Variants in UBE3C observed in about 807,000 individuals in gnomAD.
The protein encoded by UBE3C is ubiquitin protein ligase E3C.
Under a neutral mutation model 129.4 loss-of-function variants are expected in UBE3C, and 42 were observed. The ratio of observed to expected loss-of-function variants is 0.32; its 90% CI spans 0.25 to 0.42. UBE3C has a LOEUF of 0.42. Ranked by LOEUF, UBE3C falls within the 10% of genes least tolerant of loss-of-function variation. The pLI is 1.00. For synonymous variants in UBE3C, 510 were observed against 492.4 expected (o/e 1.04, Z -0.47); for missense variants, 1,049 against 1,319.1 (o/e 0.80, Z 3.17).
At chr7:157,204,684 T>C (rs1809384567) in intron 11 of UBE3C, among the ~76,000 whole-genome samples, 1 of 152,236 alleles carries the variant, frequency 6.6e-6, no homozygotes, top group South Asian at 2.1e-4. Context: ...AGTTTCCTTC[T>C]TCTTGAAGAT....
intron 22 of UBE3C, among the ~76,000 whole-genome samples, chr7:157,261,260 T>C (rs1016391055): frequency 1.5e-5 from 2 of 129,408 alleles, no homozygotes; most frequent in East Asian, 4.8e-4. Context: ...GAACCAAGAT[T>C]GCACCATTGC....
intron 22 of UBE3C, among the ~76,000 whole-genome samples, chr7:157,264,946 A>T (rs1797037145): frequency 6.6e-6 from 1 of 152,140 alleles, no homozygotes; most frequent in Non-Finnish European, 1.5e-5. Flanking sequence ...TCAACATTAC[A>T]TCAGGATCAT....
intron 22 of UBE3C, among the ~76,000 whole-genome samples, chr7:157,260,044 A>G (rs554868741): frequency 6.6e-6 from 1 of 152,348 alleles, no homozygotes; most frequent in South Asian, 2.1e-4. Flanking sequence ...AAAGACGTAT[A>G]AACTTAAACG....
intron 13 of UBE3C, among the ~76,000 whole-genome samples, chr7:157,211,801 T>C (rs1809603615): frequency 6.6e-6 from 1 of 152,118 alleles, no homozygotes; most frequent in South Asian, 2.1e-4. Flanking sequence ...TGCTAAGGGA[T>C]CATAAATGAA....
At position 157,254,129 on chromosome 7, in the gene UBE3C, A is replaced by G. The variant is rs777340553; in HGVS notation, c.2870A>G (p.Gln957Arg). Residue 957 changes from glutamine to arginine, a missense_variant, in exon 20 of 23, where the codon CAG (glutamine) becomes CGG (arginine). By Grantham distance (43) the Gln-to-Arg change is conservative. Transcript: ENST00000348165. Reference protein sequence around the residue: ...VSLEWLRMFDQQEIQVLISGA... With the variant: ...VSLEWLRMFDRQEIQVLISGA... Reference sequence around the variant, plus strand: ...CTCGAGTGGCTCCGAATGTTTGATCAGCAAGAAATTCAGGTACCCTACCTG... The same window carrying G: ...CTCGAGTGGCTCCGAATGTTTGATCGGCAAGAAATTCAGGTACCCTACCTG... 5 of 1,610,662 alleles carry G rather than the reference A, an allele frequency of 3.1e-6. No individual in the cohort carries two copies. Among genetic ancestry groups the G allele is most frequent in the Non-Finnish European group, 4.2e-6 (5 of 1,178,144 alleles).
intron 9 of UBE3C, 145 bp downstream of exon 9, chr7:157,184,174 C>A: frequency 9.8e-7 from 1 of 1,016,504 alleles, no homozygotes; most frequent in Non-Finnish European, 1.4e-6. Context: ...CCCACTACCA[C>A]AGTTTCTAGT....
intron 19 of UBE3C, among the ~76,000 whole-genome samples, chr7:157,251,159 A>T (rs142141208): frequency 6.6e-6 from 1 of 152,382 alleles, no homozygotes; most frequent in African/African-American, 2.4e-5. Context: ...CTGTAGAAAT[A>T]AATAGGTAGT....
At chr7:157,184,108 G>C (rs1024411608) in intron 9 of UBE3C, 79 bp downstream of exon 9, 1 of 1,557,362 alleles carries the variant, frequency 6.4e-7, no homozygotes, top group African/African-American at 1.4e-5. Flanking sequence ...TCCACCCGTA[G>C]TTTCAGTTAC....
intron 13 of UBE3C, among the ~76,000 whole-genome samples, chr7:157,215,960 C>G (rs968733245): frequency 3.9e-5 from 6 of 152,192 alleles, no homozygotes; most frequent in African/African-American, 1.2e-4. Flanking sequence ...TTGTGAGGAA[C>G]TCACTGCACA....
intron 13 of UBE3C, among the ~76,000 whole-genome samples, chr7:157,210,010 CT>C (rs1340599484): frequency 6.6e-6 from 1 of 152,208 alleles, no homozygotes; most frequent in African/African-American, 2.4e-5. Context: ...GAAACCCCAT[CT>C]CTACTAAAGA....
intron 2 of UBE3C, among the ~76,000 whole-genome samples, chr7:157,165,428 C>T (rs1224612863): frequency 2.8e-5 from 4 of 141,978 alleles, no homozygotes; most frequent in African/African-American, 1.1e-4. Flanking sequence ...GGTGGAGTCT[C>T]ACTTTGTCAA....
At chr7:157,224,811 C>T (rs1563063875) in intron 16 of UBE3C, among the ~76,000 whole-genome samples, 3 of 151,914 alleles carry the variant, frequency 2.0e-5, no homozygotes, top group African/African-American at 4.8e-5. Context: ...CTCTCTCTCT[C>T]TCCCACTCAC....
chr7:157,175,080 C>G (rs747148978), intron 5 of UBE3C, 46 bp downstream of exon 5: 1 of 1,366,770 alleles, frequency 7.3e-7, no homozygotes, highest in Non-Finnish European at 9.9e-7. Context: ...GTATTGATCA[C>G]CTTGTCTAGG....
chr7:157,219,357 C>G (rs1249628220), intron 14 of UBE3C, among the ~76,000 whole-genome samples: 1 of 152,194 alleles, frequency 6.6e-6, no homozygotes, highest in Non-Finnish European at 1.5e-5. Flanking sequence ...TGCACACACC[C>G]ACACTTGAAG....
At chr7:157,211,869 A>C (rs1214429546) in intron 13 of UBE3C, among the ~76,000 whole-genome samples, 4 of 152,190 alleles carry the variant, frequency 2.6e-5, no homozygotes, top group Non-Finnish European at 5.9e-5. Flanking sequence ...ACATGCATTC[A>C]GCTAATGACA....
At chr7:157,223,411 C>CTAAT in intron 16 of UBE3C, 60 bp downstream of exon 16, 2 of 1,423,012 alleles carry the variant, frequency 1.4e-6, no homozygotes, top group Non-Finnish European at 1.9e-6. Flanking sequence ...GAAATTAACA[C>CTAAT]ACACCCACCA....
At chr7:157,230,586 T>G (rs562918161) in intron 17 of UBE3C, among the ~76,000 whole-genome samples, 35 of 151,692 alleles carry the variant, frequency 2.3e-4, no homozygotes, top group African/African-American at 8.5e-4. Context: ...TCTTAGCTAC[T>G]TGGGAGGCTG....
At chr7:157,140,115 A>G (rs1807397255) in intron 1 of UBE3C, 1 of 802,182 alleles carries the variant, frequency 1.2e-6, no homozygotes, top group Non-Finnish European at 1.5e-6. Flanking sequence ...CAGTTGGTTC[A>G]CTGGAACCGC....
chr7:157,155,985 A>G (rs562084893), intron 1 of UBE3C, among the ~76,000 whole-genome samples: 2 of 152,342 alleles, frequency 1.3e-5, no homozygotes, highest in Admixed American at 6.5e-5. Context: ...AATTTGAAAG[A>G]TAAGGATGTT....
Sources: gnomAD v4.1 joint callset for allele counts (sites outside exome capture counted in the v4.1 genomes callset) on GRCh38, gnomAD v4.1.1 for gene constraint, MANE v1.5 for transcripts, NCBI Gene and HGNC (gene_info 2026-07-23, HGNC 2026-07-21) for gene names.